TSACC: variants seen among roughly 807,000 people sequenced by gnomAD.
TSACC encodes TSSK6 activating cochaperone.
A neutral mutation model predicts 6.9 loss-of-function variants in TSACC; 3 were observed. The observed-to-expected ratio is 0.43, with a 90% CI of 0.20 to 1.12. The LOEUF is 1.12. Ranked by LOEUF, TSACC falls within the 50% of genes most tolerant of loss-of-function variation. TSACC has a pLI of 0.28. For missense variants in TSACC, 137 were observed against 143.9 expected, an observed-to-expected ratio of 0.95 and a Z score of 0.24; for synonymous variants, 54 against 55.1, an observed-to-expected ratio of 0.98 and a Z score of 0.09.
chr1:156,340,349 C>T (rs1456374623), intron 2 of TSACC, among the ~76,000 whole-genome samples: 5 of 151,848 alleles, frequency 3.3e-5, no homozygotes, highest in South Asian at 2.1e-4. Context: ...TTAGTAGAGA[C>T]GGGGTTTCAC....
At chr1:156,345,186 C>T (rs1666098560) in intron 3 of TSACC, among the ~76,000 whole-genome samples, 1 of 152,178 alleles carries the variant, frequency 6.6e-6, no homozygotes, top group South Asian at 2.1e-4. Flanking sequence ...TTGAGGACCT[C>T]AGAGTCCAAC....
upstream of TSACC, chr1:156,337,750 G>C (rs1665490578): frequency 4.6e-6 from 1 of 218,060 alleles, no homozygotes; most frequent in Admixed American, 5.3e-5. Flanking sequence ...TTAAATTACC[G>C]CTACTAAGGG....
At chr1:156,337,983 C>G (rs1392958424), upstream of TSACC, among the ~76,000 whole-genome samples, 1 of 151,968 alleles carries the variant, frequency 6.6e-6, no homozygotes, top group Admixed American at 6.6e-5. Context: ...TGCAGAGAAG[C>G]GAACAGGTTA....
intron 2 of TSACC, among the ~76,000 whole-genome samples, chr1:156,340,844 C>G (rs1257558727): frequency 6.6e-6 from 1 of 152,034 alleles, no homozygotes; most frequent in East Asian, 1.9e-4. Context: ...TCTACAGGAC[C>G]AAATTTAATT....
rs1052294787 is a variant in TSACC, at chr1:156,338,561, T to G, written c.-169T>G. ...CACACCACTACGCATGTGTGTCAACTCTAGGGTTGGGTGCTGGGGTTGCGG... is the reference window on the plus strand; with the variant it reads ...CACACCACTACGCATGTGTGTCAACGCTAGGGTTGGGTGCTGGGGTTGCGG... On this transcript the variant is annotated 5_prime_UTR_variant, in exon 1 of 4. Transcript: ENST00000368254. The G allele has an allele frequency of 5.6e-6, 2 of 357,508 alleles. No individual in the cohort carries two copies. Among genetic ancestry groups the G allele is most frequent in the Non-Finnish European group, 1.0e-5 (2 of 191,748 alleles). 22.1% of individuals were successfully genotyped at this position (357,508 alleles called of 1,614,324 possible).
At chr1:156,344,226 ATGT>A (rs1443455008) in intron 2 of TSACC, among the ~76,000 whole-genome samples, 1 of 152,102 alleles carries the variant, frequency 6.6e-6, no homozygotes, top group East Asian at 1.9e-4. Context: ...TTATGTCCTC[ATGT>A]TGTTAGATCA....
At chr1:156,339,232 C>T (rs1665666815) in intron 1 of TSACC, among the ~76,000 whole-genome samples, 1 of 151,732 alleles carries the variant, frequency 6.6e-6, no homozygotes, top group South Asian at 2.1e-4. Context: ...TCACTGCACT[C>T]CAGCCTGGCG....
chr1:156,340,929 A>G (rs1447404146), intron 2 of TSACC, among the ~76,000 whole-genome samples: 3 of 152,090 alleles, frequency 2.0e-5, no homozygotes, highest in African/African-American at 7.2e-5. Flanking sequence ...TCCTTGATTC[A>G]AGTGATTCTT....
rs149637850 is a variant in TSACC, at chr1:156,344,630, T to G, written c.85T>G (p.Ser29Ala). The G allele has an allele frequency of 9.3e-5, 150 of 1,613,686 alleles. No homozygotes were observed. Among genetic ancestry groups the G allele is most frequent in the Middle Eastern group, 1.6e-4 (1 of 6,084 alleles). Reference protein sequence around the residue: ...NAVPLCRAKPSPSYINLQASS... With the variant: ...NAVPLCRAKPAPSYINLQASS... ...TGTGCCTCTCTGTAGAGCAAAACCC[T>G]CCCCCAGCTATATTAATCTTCAAGC... Residue 29 changes from serine (S) to alanine (A), a missense_variant, in exon 3 of 4, where the codon TCC becomes GCC. Physicochemically the swap from Ser to Ala is moderately conservative, Grantham distance 99 (BLOSUM62 1). Transcript: ENST00000368254.
intron 3 of TSACC, 78 bp from the exon 4 acceptor site, chr1:156,346,690 G>C: frequency 7.1e-7 from 1 of 1,399,254 alleles, no homozygotes; most frequent in Non-Finnish European, 1.0e-6. Context: ...CATTTTATTA[G>C]GGTCCTTCCA....
chr1:156,345,927 C>G (rs1666147805), intron 3 of TSACC, among the ~76,000 whole-genome samples: 1 of 151,048 alleles, frequency 6.6e-6, no homozygotes, highest in South Asian at 2.1e-4. Context: ...GGTGCAGTGG[C>G]TCACACTTGT....
At position 156,338,555 on chromosome 1, in the gene TSACC, G is replaced by A. The variant is rs1000743269; in HGVS notation, c.-175G>A. ...GGCCAGCACACCACTACGCATGTGT[G>A]TCAACTCTAGGGTTGGGTGCTGGGG... On this transcript the variant is annotated 5_prime_UTR_variant, in exon 1 of 4. Transcript: ENST00000368254. 2.6e-6 allele frequency: 1 copy of A among 388,854 alleles called. No homozygotes were observed. Among genetic ancestry groups the A allele is most frequent in the African/African-American group, 2.0e-5 (1 of 49,382 alleles). 24.1% of individuals were successfully genotyped at this position (388,854 alleles called of 1,614,324 possible).
upstream of TSACC, chr1:156,337,894 G>C (rs1196232650): frequency 1.9e-5 from 10 of 533,696 alleles, no homozygotes; most frequent in Admixed American, 2.7e-4. Flanking sequence ...GGGACAGAAC[G>C]CGGAGTGGGA....
chr1:156,345,368 G>T (rs1378923687), intron 3 of TSACC, among the ~76,000 whole-genome samples: 1 of 152,064 alleles, frequency 6.6e-6, no homozygotes, highest in African/African-American at 2.4e-5. Flanking sequence ...CTTCAGACCA[G>T]CCTGACCGAC....
chr1:156,337,640 A>G (rs996264252), upstream of TSACC: 3 of 167,496 alleles, frequency 1.8e-5, no homozygotes, highest in African/African-American at 4.8e-5. Flanking sequence ...GATATTACCT[A>G]TTTACCAGAC....
intron 2 of TSACC, among the ~76,000 whole-genome samples, chr1:156,341,239 TA>T (rs534900524): frequency 1.9e-4 from 29 of 152,278 alleles, no homozygotes; most frequent in African/African-American, 5.5e-4. Flanking sequence ...TAGGCCTAAC[TA>T]AAAAAACATT....
intron 2 of TSACC, among the ~76,000 whole-genome samples, chr1:156,342,138 ATTTGCATGGAAATTAACACAT>A (rs1370473005): frequency 6.6e-6 from 1 of 152,170 alleles, no homozygotes; most frequent in Admixed American, 6.5e-5. Flanking sequence ...TTAAAAGTGC[ATTTGCATGGAAATTAACACAT>A]TTTGCATGGA....
intron 3 of TSACC, 23 bp from the exon 4 acceptor site, chr1:156,346,745 C>A (rs1426561408): frequency 7.5e-6 from 12 of 1,610,482 alleles, no homozygotes; most frequent in Non-Finnish European, 1.0e-5. Context: ...TCCCTTGCAC[C>A]TCCGTTGCTT....
intron 2 of TSACC, 73 bp downstream of exon 2, chr1:156,339,864 C>A: frequency 6.5e-7 from 1 of 1,530,002 alleles, no homozygotes; most frequent in Non-Finnish European, 9.0e-7. Context: ...TAAATGGGAG[C>A]ATTGCTGTAT....
Sources: allele counts gnomAD v4.1 joint callset (sites outside exome capture counted in the v4.1 genomes callset), GRCh38; gene constraint gnomAD v4.1.1; transcripts MANE v1.5; gene names NCBI Gene and HGNC (gene_info 2026-07-23, HGNC 2026-07-21).